Variants in DDX42 observed in about 807,000 individuals in gnomAD.
DDX42 encodes ATP-dependent RNA helicase DDX42.
Under a neutral mutation model 101.5 loss-of-function variants are expected in DDX42, and 22 were observed. That is an observed-to-expected ratio of 0.22 (90% CI 0.15 to 0.31). The LOEUF is 0.31. Among genes scored for constraint, DDX42 ranks in the 10% least tolerant of loss-of-function variants. The pLI is 1.00. For missense variants in DDX42, 849 were observed against 1,199.9 expected, an observed-to-expected ratio of 0.71 and a Z score of 4.32; for synonymous variants, 402 against 401.2, an observed-to-expected ratio of 1.00 and a Z score of -0.02.
At chr17:63,810,657 G>T in intron 12 of DDX42, 97 bp downstream of exon 12, 1 of 1,199,600 alleles carries the variant, frequency 8.3e-7, no homozygotes, top group Non-Finnish European at 1.2e-6. Flanking sequence ...AAATGATCTT[G>T]TGTCTGTTGG....
chr17:63,780,892 T>A (rs1427240770), intron 1 of DDX42, among the ~76,000 whole-genome samples: 1 of 152,228 alleles, frequency 6.6e-6, no homozygotes, highest in East Asian at 1.9e-4. Context: ...TTAAAAGTTT[T>A]GATTGTGTCT....
rs564512855 is a variant in DDX42 at position 63,814,099 on chromosome 17, A to G, written c.1902+645A>G. Among the ~76,000 whole-genome samples the G allele has an allele frequency of 1.1e-4, 17 of 151,890 alleles. No homozygotes were observed. In the East Asian group the frequency reaches 1.7e-3, roughly 16 times the overall value. On this transcript the variant is annotated intron_variant, in intron 15 of 17. Transcript: ENST00000389924. ...AGGTGATCCGCCCGCCTCGGCCTCA[A>G]CCTCCCAAAGTGCTAGGATTACAGG...
At chr17:63,815,343 A>C (rs2039963939) in intron 15 of DDX42, among the ~76,000 whole-genome samples, 1 of 152,210 alleles carries the variant, frequency 6.6e-6, no homozygotes, top group Non-Finnish European at 1.5e-5. Context: ...CACTGTAGGA[A>C]GCCTTAGATA....
chr17:63,791,504 T>TTTCA (rs1277894025), intron 2 of DDX42, among the ~76,000 whole-genome samples: 11 of 151,606 alleles, frequency 7.3e-5, no homozygotes, highest in Non-Finnish European at 2.9e-5. Flanking sequence ...AGACACAGGG[T>TTTCA]TTCACCATGT....
chr17:63,814,236 A>G (rs999046881), intron 15 of DDX42, among the ~76,000 whole-genome samples: 3 of 152,212 alleles, frequency 2.0e-5, no homozygotes, highest in African/African-American at 4.8e-5. Flanking sequence ...ATCTAAAGCT[A>G]AGTGAGGCAT....
upstream of DDX42, chr17:63,774,007 T>C (rs2039377866): frequency 9.5e-6 from 2 of 209,952 alleles, 1 homozygote; most frequent in Non-Finnish European, 1.9e-5. Context: ...ACCCACTTTC[T>C]AGATGGGTCA....
intron 1 of DDX42, chr17:63,775,025 T>C (rs1394452891): frequency 6.6e-6 from 1 of 152,660 alleles, no homozygotes; most frequent in East Asian, 1.9e-4. Context: ...CTATAGGCAG[T>C]TATCCAATTT....
intron 1 of DDX42, among the ~76,000 whole-genome samples, chr17:63,776,751 C>T (rs971928852): frequency 8.6e-5 from 13 of 151,598 alleles, no homozygotes; most frequent in Non-Finnish European, 1.8e-4. Flanking sequence ...CAGGCGTGAG[C>T]CACCACACAC....
In DDX42 at chr17:63,798,094, C is replaced by T. The variant is rs1479105505; in HGVS notation, c.429C>T (p.Asn143=). Residue 143 remains asparagine, a synonymous_variant, in exon 4 of 18, where the codon AAC becomes AAT. Transcript: ENST00000389924. Reference sequence around the variant, plus strand: ...AAGAAAAGGACAAGGAAAGAAAAAACGTAAAGTAAGTTGTTTTCTTCTCCC... The same window carrying T: ...AAGAAAAGGACAAGGAAAGAAAAAATGTAAAGTAAGTTGTTTTCTTCTCCC... ...RLEEKDKERK[N]VKGIRDDIEE... 5.6e-6 allele frequency: 9 copies of T among 1,612,882 alleles called. No individual in the cohort carries two copies. The highest frequency in any genetic ancestry group is 3.3e-5 in the South Asian group (3 of 90,918).
intron 3 of DDX42, among the ~76,000 whole-genome samples, chr17:63,793,735 A>G (rs562558234): frequency 2.0e-5 from 3 of 151,872 alleles, no homozygotes; most frequent in Non-Finnish European, 2.9e-5. Context: ...TCTTCCTCCA[A>G]TTTTTCACAT....
In DDX42 at chr17:63,816,928, A is replaced by G; in HGVS notation, c.2074A>G (p.Met692Val). The G allele has an allele frequency of 6.2e-7, 1 of 1,614,082 alleles. No individual in the cohort carries two copies. The highest frequency in any genetic ancestry group is 1.3e-5 in the African/African-American group (1 of 75,046). The change falls in exon 17 of 18, where the codon ATG becomes GTG. Residue 692 changes from methionine to valine, a missense_variant. Met to Val is a conservative substitution (Grantham distance 21). This residue lies in a region of DDX42 where 86 missense variants were observed against 160.8 expected (regional missense o/e 0.53). Coordinates refer to ENST00000389924, the MANE Select transcript of DDX42 (RefSeq NM_203499.3). ...GGCCTACAAGCCTTCCACAGGAGCT[A>G]TGGGAGATCGACTAACGGCAATGAA... Reference protein sequence around the residue: ...YEAYKPSTGAMGDRLTAMKAA... With the variant: ...YEAYKPSTGAVGDRLTAMKAA...
chr17:63,799,459 TTGC>T, intron 4 of DDX42, 127 bp from the exon 5 acceptor site: 2 of 930,430 alleles, frequency 2.1e-6, no homozygotes, highest in Non-Finnish European at 3.4e-6. Context: ...AGTGTGCTCA[TTGC>T]TGCTTTGTTA....
chr17:63,790,278 A>G (rs1363802387), intron 2 of DDX42, among the ~76,000 whole-genome samples: 1 of 152,242 alleles, frequency 6.6e-6, no homozygotes, highest in African/African-American at 2.4e-5. Flanking sequence ...TGCTATTGCT[A>G]CATTAGTATA....
chr17:63,795,416 T>C (rs374304912), intron 3 of DDX42, among the ~76,000 whole-genome samples: 1 of 152,240 alleles, frequency 6.6e-6, no homozygotes, highest in Non-Finnish European at 1.5e-5. Flanking sequence ...ACCATTACAG[T>C]CACTGTAACC....
rs1302289457 is a variant in DDX42 at position 63,808,822 on chromosome 17, C to T, written c.1026C>T (p.Ile342=). Residue 342 remains isoleucine (I), a splice_region_variant and synonymous_variant, in exon 10 of 18, where the codon ATC becomes ATT. Coordinates refer to ENST00000389924, the MANE Select transcript of DDX42 (RefSeq NM_203499.3). Reference sequence around the variant, plus strand: ...ATATATTATTCACAACTTTGTAGATCCATGCAGAATGTAAGCGGTTTGGAA... The same window carrying T: ...ATATATTATTCACAACTTTGTAGATTCATGCAGAATGTAAGCGGTTTGGAA... ...VCPTRELCQQ[I]HAECKRFGKA... The T allele has an allele frequency of 6.2e-7, 1 of 1,613,672 alleles. No individual in the cohort carries two copies.
At chr17:63,781,698 A>C (rs558079258) in intron 1 of DDX42, among the ~76,000 whole-genome samples, 1 of 151,470 alleles carries the variant, frequency 6.6e-6, no homozygotes, top group South Asian at 2.1e-4. Context: ...CCATTCCTAA[A>C]TAGTGATATA....
At chr17:63,788,449 G>C (rs997295947) in intron 2 of DDX42, among the ~76,000 whole-genome samples, 11 of 151,002 alleles carry the variant, frequency 7.3e-5, no homozygotes, top group African/African-American at 2.7e-4. Flanking sequence ...TAGGACTACA[G>C]GCACGTGCCA....
Position 63,798,327 on chromosome 17 carries a change from A to G in DDX42, c.434+228A>G, listed in dbSNP as rs185782867. The G allele has an allele frequency of 1.8e-5, 7 of 381,004 alleles. No homozygotes were observed. In the East Asian group the frequency reaches 2.2e-4, roughly 12 times the overall value. 23.6% of individuals were successfully genotyped at this position (381,004 alleles called of 1,614,324 possible). ...GTAGAATAGTATTTGGTCTTTGACT[A>G]TAAATAGTTGTTTAGTAAACACAAG... On this transcript the variant is annotated intron_variant, in intron 4 of 17. Transcript: ENST00000389924.
In DDX42 at chr17:63,800,465, C is replaced by T; in HGVS notation, c.472-3C>T. The T allele has an allele frequency of 6.2e-7, 1 of 1,612,584 alleles. No individual in the cohort carries two copies. The highest frequency in any genetic ancestry group is 8.5e-7 in the Non-Finnish European group (1 of 1,179,364). On this transcript the variant is annotated splice_polypyrimidine_tract_variant and splice_region_variant and intron_variant, in intron 5 of 17. Coordinates refer to ENST00000389924, the MANE Select transcript of DDX42 (RefSeq NM_203499.3). ...GTGATTATGTTCTTGTGCTTTCCTG[C>T]AGGAAGCTTATTTTCGATACATGGC...
Sources: allele counts gnomAD v4.1 joint callset (sites outside exome capture counted in the v4.1 genomes callset), GRCh38; gene constraint gnomAD v4.1.1; regional missense constraint gnomAD v4.1.1; transcripts MANE v1.5; gene names NCBI Gene and HGNC (gene_info 2026-07-23, HGNC 2026-07-21).